Variants in STYK1 observed in about 807,000 individuals in gnomAD.
STYK1 encodes tyrosine-protein kinase STYK1.
Under a neutral mutation model 48.1 loss-of-function variants are expected in STYK1, and 46 were observed. The observed-to-expected ratio is 0.96, with a 90% CI of 0.75 to 1.22. The LOEUF is 1.22. Among genes scored for constraint, STYK1 ranks in the 50% most tolerant of loss-of-function variants. The probability of loss-of-function intolerance (pLI) is 0.00; values close to 1 mark genes in which losing one functional copy is unlikely to be tolerated. For missense variants in STYK1, 527 were observed against 521.1 expected, an observed-to-expected ratio of 1.01 and a Z score of -0.11; for synonymous variants, 188 against 189.0, an observed-to-expected ratio of 0.99 and a Z score of 0.04.
At position 10,634,003 on chromosome 12, in the gene STYK1, A is replaced by G. The variant is rs763025600; in HGVS notation, c.174T>C (p.Arg58=). Reference sequence around the variant, plus strand: ...TTTGAGCTTTACCTTGAGGTCCAGAACGCTGCTGTTGAGTTCTTTGTTCTC... The same window carrying G: ...TTTGAGCTTTACCTTGAGGTCCAGAGCGCTGCTGTTGAGTTCTTTGTTCTC... ...FIREQRTQQQ[R]SGPQGIAPVP... The change falls in exon 4 of 11, where the codon CGT becomes CGC. Residue 58 remains arginine, a synonymous_variant. Transcript: ENST00000075503. 31 of 1,613,916 alleles carry G rather than the reference A, an allele frequency of 1.9e-5. No homozygotes were observed. The South Asian group carries it at 3.4e-4, about 18-fold the overall frequency.
chr12:10,626,858 T>A (rs1333066187), intron 7 of STYK1, among the ~76,000 whole-genome samples: 1 of 151,920 alleles, frequency 6.6e-6, no homozygotes, highest in Non-Finnish European at 1.5e-5. Context: ...TACAAAAAAA[T>A]TAGCCGGGCG....
intron 1 of STYK1, among the ~76,000 whole-genome samples, chr12:10,670,543 A>C (rs538243347): frequency 3.0e-4 from 45 of 152,128 alleles, no homozygotes; most frequent in African/African-American, 1.0e-3. Context: ...AAAAGTAGAG[A>C]ATAGAAAGAT....
intron 7 of STYK1, 129 bp from the exon 8 acceptor site, chr12:10,624,988 A>C: frequency 1.4e-6 from 1 of 722,344 alleles, no homozygotes; most frequent in Non-Finnish European, 2.4e-6. Context: ...CTCACTAATA[A>C]TGATATGTCA....
In STYK1 at chr12:10,621,982, C is replaced by G. The variant is rs777228612; in HGVS notation, c.968-10G>C. On this transcript the variant is annotated splice_polypyrimidine_tract_variant and intron_variant, in intron 9 of 10. Coordinates refer to ENST00000075503, the MANE Select transcript of STYK1 (RefSeq NM_018423.3). Reference sequence around the variant, plus strand: ...GGATACGGTGGTGCTCCTGTCATTACGAAAATAATGAGAACTTTAAGGTCC... The same window carrying G: ...GGATACGGTGGTGCTCCTGTCATTAGGAAAATAATGAGAACTTTAAGGTCC... 1 of 1,609,558 alleles carries G rather than the reference C, an allele frequency of 6.2e-7. No homozygotes were observed. The highest frequency in any genetic ancestry group is 1.1e-5 in the South Asian group (1 of 90,876).
intron 1 of STYK1, among the ~76,000 whole-genome samples, chr12:10,651,004 C>CAA (rs11342378): frequency 1.5e-3 from 178 of 118,522 alleles, no homozygotes; most frequent in Non-Finnish European, 2.6e-3. Context: ...GACTCCTTCT[C>CAA]AAAAAAAAAA....
At chr12:10,658,342 A>G (rs1250049549) in intron 1 of STYK1, among the ~76,000 whole-genome samples, 1 of 152,210 alleles carries the variant, frequency 6.6e-6, no homozygotes, top group East Asian at 1.9e-4. Context: ...CTTGAATAAG[A>G]TTTTTGTGTA....
intron 7 of STYK1, among the ~76,000 whole-genome samples, chr12:10,625,402 A>G (rs895295612): frequency 3.3e-5 from 5 of 152,190 alleles, no homozygotes; most frequent in African/African-American, 4.8e-5. Flanking sequence ...TATTTTTAGT[A>G]GAGACGGGGT....
chr12:10,626,743 A>G (rs1947363186), intron 7 of STYK1, among the ~76,000 whole-genome samples: 1 of 152,210 alleles, frequency 6.6e-6, no homozygotes, highest in Admixed American at 6.5e-5. Context: ...ACGGTGGCTC[A>G]TGCCTGTAAT....
chr12:10,668,669 ACAGGTGTGAGCCACTGCACC>A (rs1288060611), intron 1 of STYK1, among the ~76,000 whole-genome samples: 2 of 148,168 alleles, frequency 1.3e-5, no homozygotes, highest in African/African-American at 5.0e-5. Context: ...TGTTGGGATT[ACAGGTGTGAGCCACTGCACC>A]CAGCCGTAAT....
At chr12:10,668,506 G>C (rs1947858258) in intron 1 of STYK1, among the ~76,000 whole-genome samples, 1 of 143,798 alleles carries the variant, frequency 7.0e-6, no homozygotes, top group Non-Finnish European at 1.5e-5. Context: ...CTCCCGAGTA[G>C]CTGGGATTAT....
intron 1 of STYK1, among the ~76,000 whole-genome samples, chr12:10,649,987 C>G (rs7968110): frequency 0.98 from 149,105 of 151,700 alleles, 73,329 homozygotes; most frequent in East Asian, 1. Context: ...GGTGGCGGGC[C>G]CCTGTAGTCC....
intron 1 of STYK1, among the ~76,000 whole-genome samples, chr12:10,641,417 C>A (rs1434635903): frequency 1.3e-5 from 2 of 152,158 alleles, no homozygotes; most frequent in African/African-American, 4.8e-5. Flanking sequence ...TTGGAAGTCT[C>A]CCCCCATAAG....
At chr12:10,649,303 A>G (rs969425465) in intron 1 of STYK1, among the ~76,000 whole-genome samples, 1 of 66,786 alleles carries the variant, frequency 1.5e-5, no homozygotes, top group African/African-American at 4.0e-5. Context: ...ATTTTCTGGA[A>G]AAAAATTAAA....
chr12:10,661,439 A>G (rs1399673776), intron 1 of STYK1, among the ~76,000 whole-genome samples: 4 of 152,216 alleles, frequency 2.6e-5, no homozygotes, highest in Non-Finnish European at 5.9e-5. Flanking sequence ...CAGTCCAGCC[A>G]ATAAACCAAG....
chr12:10,627,807 C>A, intron 6 of STYK1, 83 bp from the exon 7 acceptor site: 1 of 1,167,014 alleles, frequency 8.6e-7, no homozygotes. Flanking sequence ...CAGAGATACT[C>A]TGAAATGCAG....
At chr12:10,623,294 A>G (rs1413583260) in intron 8 of STYK1, among the ~76,000 whole-genome samples, 1 of 152,210 alleles carries the variant, frequency 6.6e-6, no homozygotes, top group Non-Finnish European at 1.5e-5. Context: ...ATGTCTATTG[A>G]AAAGCAGATG....
chr12:10,622,496 C>G (rs958425643), intron 9 of STYK1, 142 bp downstream of exon 9: 1 of 831,644 alleles, frequency 1.2e-6, no homozygotes, highest in African/African-American at 1.7e-5. Context: ...TCACGGGAAT[C>G]AGGCTTAGAT....
intron 4 of STYK1, among the ~76,000 whole-genome samples, chr12:10,633,049 T>C (rs1009840687): frequency 6.6e-6 from 1 of 152,192 alleles, no homozygotes; most frequent in Non-Finnish European, 1.5e-5. Flanking sequence ...GGACTATCAT[T>C]GGAATAGAAA....
intron 1 of STYK1, among the ~76,000 whole-genome samples, chr12:10,647,163 T>A (rs1947609821): frequency 6.6e-6 from 1 of 152,132 alleles, no homozygotes. Context: ...CCCAGAATGG[T>A]AGATCCACCA....
Sources: allele counts gnomAD v4.1 joint callset (sites outside exome capture counted in the v4.1 genomes callset), GRCh38; gene constraint gnomAD v4.1.1; transcripts MANE v1.5; gene names NCBI Gene and HGNC (gene_info 2026-07-23, HGNC 2026-07-21).